FYB2: variants seen among roughly 807,000 people sequenced by gnomAD.
The protein encoded by FYB2 is FYN-binding protein 2.
Under a neutral mutation model 94.1 loss-of-function variants are expected in FYB2, and 103 were observed. That is an observed-to-expected ratio of 1.09 (90% confidence interval 0.93 to 1.29). FYB2 has a LOEUF of 1.29. FYB2 is among the 50% of genes most tolerant of loss of function. The pLI is 0.00. For synonymous variants in FYB2, 293 were observed against 287.9 expected, an observed-to-expected ratio of 1.02 and a Z score of -0.18; for missense variants, 896 against 841.5, an observed-to-expected ratio of 1.06 and a Z score of -0.80.
chr1:56,797,384 C>T (rs907502395), intron 1 of FYB2, among the ~76,000 whole-genome samples: 1 of 152,124 alleles, frequency 6.6e-6, no homozygotes, highest in Non-Finnish European at 1.5e-5. Context: ...CTTTCATGAC[C>T]ATTCTAGGTA....
intron 5 of FYB2, among the ~76,000 whole-genome samples, chr1:56,762,854 T>C (rs894965296): frequency 2.0e-5 from 3 of 152,206 alleles, no homozygotes; most frequent in Non-Finnish European, 2.9e-5. Flanking sequence ...CACCATTAAG[T>C]ATCATGATTA....
intron 12 of FYB2, 123 bp from the exon 13 acceptor site, chr1:56,740,918 T>A: frequency 1.8e-6 from 1 of 553,628 alleles, no homozygotes; most frequent in East Asian, 3.3e-5. Flanking sequence ...AAACAATAGG[T>A]ATACATGGTC....
chr1:56,744,399 G>T, intron 9 of FYB2, 133 bp from the exon 10 acceptor site: 1 of 657,490 alleles, frequency 1.5e-6, no homozygotes, highest in Non-Finnish European at 2.6e-6. Flanking sequence ...TTACAGTCTT[G>T]GTATGTATGA....
chr1:56,823,520 T>C (rs1647005324), upstream of FYB2, among the ~76,000 whole-genome samples: 1 of 152,164 alleles, frequency 6.6e-6, no homozygotes, highest in Admixed American at 6.5e-5. Flanking sequence ...ATTTTACCAG[T>C]TTTTGAAAAA....
intron 1 of FYB2, among the ~76,000 whole-genome samples, chr1:56,798,284 T>C (rs1015366984): frequency 6.6e-6 from 1 of 152,144 alleles, no homozygotes; most frequent in African/African-American, 2.4e-5. Context: ...CCCTGGAAAA[T>C]AGCCTGGTAC....
chr1:56,741,717 G>C (rs1330848557), intron 12 of FYB2, among the ~76,000 whole-genome samples: 1 of 151,784 alleles, frequency 6.6e-6, no homozygotes, highest in Non-Finnish European at 1.5e-5. Context: ...CACACTACAT[G>C]TTATATTAAG....
At chr1:56,768,003 T>G (rs759367738) in intron 4 of FYB2, 65 bp from the exon 5 acceptor site, 2 of 1,285,020 alleles carry the variant, frequency 1.6e-6, no homozygotes, top group Non-Finnish European at 2.2e-6. Context: ...GCTTTTTGTA[T>G]TTTTTCCTCA....
intron 9 of FYB2, among the ~76,000 whole-genome samples, chr1:56,744,678 A>G (rs749659563): frequency 6.6e-6 from 1 of 151,878 alleles, no homozygotes; most frequent in Non-Finnish European, 1.5e-5. Flanking sequence ...GCAGTTCTTA[A>G]AGCAAAATTT....
At chr1:56,745,329 C>A (rs1464258389) in intron 9 of FYB2, among the ~76,000 whole-genome samples, 3 of 152,046 alleles carry the variant, frequency 2.0e-5, no homozygotes, top group Non-Finnish European at 2.9e-5. Flanking sequence ...AGCCTTCACA[C>A]CATTTCCTTT....
chr1:56,825,315 A>T, the FYB2 span, among the ~76,000 whole-genome samples: 10 of 152,164 alleles, frequency 6.6e-5, no homozygotes, highest in Admixed American at 6.5e-4. Flanking sequence ...GAAGAGGAGG[A>T]GGGAGTTGGG....
chr1:56,729,734 C>A (rs1387296052), intron 15 of FYB2, among the ~76,000 whole-genome samples: 2 of 152,040 alleles, frequency 1.3e-5, no homozygotes, highest in Non-Finnish European at 2.9e-5. Flanking sequence ...AGTACACATT[C>A]TTTTCATTAT....
At position 56,737,118 on chromosome 1, in the gene FYB2, C is replaced by G. The variant is rs1303187371; in HGVS notation, c.1762G>C (p.Asp588His). 6.2e-7 allele frequency: 1 copy of G among 1,606,626 alleles called. No homozygotes were observed. The highest frequency in any genetic ancestry group is 8.5e-7 in the Non-Finnish European group (1 of 1,175,256). ...TCTTTTTCACTCAGGTCTACATCATCATAAATAATAACTTCCTGAGACTTA... is the reference window on the plus strand; with the variant it reads ...TCTTTTTCACTCAGGTCTACATCATGATAAATAATAACTTCCTGAGACTTA... ...ELKSQEVIIY[D>H]DVDLSEKESK... Residue 588 changes from aspartate to histidine, a missense_variant, in exon 15 of 20, where the codon GAT becomes CAT. Coordinates refer to ENST00000343433, the MANE Select transcript of FYB2 (RefSeq NM_001004303.5).
chr1:56,760,412 C>G (rs1295866676), intron 5 of FYB2, among the ~76,000 whole-genome samples: 17 of 152,122 alleles, frequency 1.1e-4, no homozygotes. Context: ...TAATTGTTGA[C>G]ACAGACCTAA....
intron 9 of FYB2, among the ~76,000 whole-genome samples, chr1:56,747,488 A>G (rs1277194798): frequency 6.6e-6 from 1 of 151,886 alleles, no homozygotes; most frequent in Non-Finnish European, 1.5e-5. Flanking sequence ...ACTCCCACTT[A>G]TGAGTGAGAA....
At chr1:56,742,262 G>A in intron 11 of FYB2, 41 bp from the exon 12 acceptor site, 1 of 1,425,914 alleles carries the variant, frequency 7.0e-7, no homozygotes, top group Non-Finnish European at 9.8e-7. Flanking sequence ...CATTATAATA[G>A]CAATAGTTCA....
At chr1:56,803,275 A>G (rs887163788) in intron 1 of FYB2, among the ~76,000 whole-genome samples, 1 of 152,202 alleles carries the variant, frequency 6.6e-6, no homozygotes, top group Non-Finnish European at 1.5e-5. Context: ...AAGACCATAA[A>G]TTGTCTCATG....
intron 6 of FYB2, among the ~76,000 whole-genome samples, chr1:56,757,731 TTTCATTCTTTCTTTCTTTCTTTCTTTTCA>T (rs1645384513): frequency 8.7e-6 from 1 of 114,388 alleles, no homozygotes; most frequent in Non-Finnish European, 1.8e-5. Flanking sequence ...TCTTTCTTTC[TTTCATTCTTTCTTTCTTTCTTTCTTTTCA>T]TTCTTTCTTT....
At chr1:56,769,904 T>G (rs1199614189) in intron 4 of FYB2, among the ~76,000 whole-genome samples, 2 of 152,168 alleles carry the variant, frequency 1.3e-5, no homozygotes, top group Admixed American at 6.5e-5. Context: ...TTGATATATT[T>G]TTTAAAAGCA....
At chr1:56,795,534 T>C (rs986873013) in intron 1 of FYB2, among the ~76,000 whole-genome samples, 6 of 152,178 alleles carry the variant, frequency 3.9e-5, no homozygotes, top group African/African-American at 1.4e-4. Context: ...ATTCTATTTT[T>C]AATTTTTGAG....
Sources: allele counts gnomAD v4.1 joint callset (sites outside exome capture counted in the v4.1 genomes callset), GRCh38; gene constraint gnomAD v4.1.1; transcripts MANE v1.5; gene names NCBI Gene and HGNC (gene_info 2026-07-23, HGNC 2026-07-21).